Variants in FANCC observed in about 807,000 individuals in gnomAD.
FANCC encodes the protein FA complementation group C.
In FANCC, 55 loss-of-function variants were observed where a neutral mutation model predicts 71.3. The ratio of observed to expected loss-of-function variants is 0.77; its 90% CI spans 0.62 to 0.97. The LOEUF (loss-of-function observed/expected upper bound fraction) is 0.97, where lower values mean the gene tolerates loss of function less well. Among genes scored for constraint, FANCC ranks in the 50% least tolerant of loss-of-function variants. FANCC has a pLI of 0.00. For synonymous variants in FANCC, 275 were observed against 244.9 expected, an observed-to-expected ratio of 1.12 and a Z score of -1.15; for missense variants, 678 against 670.9, an observed-to-expected ratio of 1.01 and a Z score of -0.12.
chr9:95,120,416 CT>C (rs1011870014), intron 10 of FANCC, among the ~76,000 whole-genome samples: 4,705 of 138,278 alleles, frequency 0.034, 159 homozygotes, highest in African/African-American at 0.095. Flanking sequence ...CTTTTAAAAT[CT>C]TTTTTTTTTT....
At chr9:95,181,491 T>C (rs1826364546) in intron 4 of FANCC, among the ~76,000 whole-genome samples, 1 of 152,180 alleles carries the variant, frequency 6.6e-6, no homozygotes, top group African/African-American at 2.4e-5. Flanking sequence ...GATTAGGCAT[T>C]GGCTCTTGGA....
At chr9:95,315,368 C>A (rs2099485112) in intron 1 of FANCC, among the ~76,000 whole-genome samples, 2 of 152,294 alleles carry the variant, frequency 1.3e-5, no homozygotes, top group South Asian at 4.1e-4. Flanking sequence ...GGGACCACAG[C>A]CCCGCATCAC....
chr9:95,217,659 GTAAA>G (rs1220225193), intron 4 of FANCC, among the ~76,000 whole-genome samples: 1 of 145,092 alleles, frequency 6.9e-6, no homozygotes, highest in Admixed American at 7.3e-5. Context: ...GTCTCATGGT[GTAAA>G]TAAAGAAAGG....
intron 2 of FANCC, 92 bp downstream of exon 2, chr9:95,249,035 A>C: frequency 7.2e-7 from 1 of 1,385,492 alleles, no homozygotes; most frequent in Non-Finnish European, 1.0e-6. Flanking sequence ...CAATACCACA[A>C]GTCCCGATTC....
intron 4 of FANCC, among the ~76,000 whole-genome samples, chr9:95,212,679 A>C (rs886937602): frequency 6.6e-6 from 1 of 152,206 alleles, no homozygotes; most frequent in South Asian, 2.1e-4. Context: ...AAAAGGGAGA[A>C]TCTGTGGGTA....
At chr9:95,258,484 C>T (rs1215248575) in intron 1 of FANCC, among the ~76,000 whole-genome samples, 1 of 152,146 alleles carries the variant, frequency 6.6e-6, no homozygotes, top group Non-Finnish European at 1.5e-5. Context: ...CGATAAAATG[C>T]AACATCCCTT....
intron 7 of FANCC, among the ~76,000 whole-genome samples, chr9:95,145,831 C>A (rs1186668528): frequency 6.6e-6 from 1 of 152,118 alleles, no homozygotes; most frequent in Non-Finnish European, 1.5e-5. Context: ...GGCGGACATG[C>A]TTTACCACCG....
intron 6 of FANCC, among the ~76,000 whole-genome samples, chr9:95,155,271 A>AGGAGAGGGGAGGGGAGGG (rs1830397317): frequency 1.2e-4 from 3 of 24,696 alleles, no homozygotes; most frequent in Admixed American, 4.8e-4. Context: ...GGAGGGGAGG[A>AGGAGAGGGGAGGGGAGGG]AAGGGGAGGG....
intron 8 of FANCC, among the ~76,000 whole-genome samples, chr9:95,133,724 A>G (rs1303459499): frequency 6.6e-6 from 1 of 152,240 alleles, no homozygotes; most frequent in Non-Finnish European, 1.5e-5. Context: ...CCTGGAAGCA[A>G]GCATATAGCC....
chr9:95,241,235 C>G (rs973869540), intron 3 of FANCC, among the ~76,000 whole-genome samples: 5 of 152,070 alleles, frequency 3.3e-5, no homozygotes, highest in Non-Finnish European at 7.4e-5. Flanking sequence ...TTTTAATTTG[C>G]CAAAATAGCT....
chr9:95,101,945 A>C, intron 14 of FANCC, 95 bp from the exon 15 acceptor site: 21 of 1,409,754 alleles, frequency 1.5e-5, no homozygotes, highest in Non-Finnish European at 2.1e-5. Flanking sequence ...AGTCCCTGAA[A>C]GAAGCCCTAT....
rs138275094 is a variant in FANCC, at chr9:95,288,118, A to G, written c.-79+29408T>C. On this transcript the variant is annotated intron_variant, in intron 1 of 14. Coordinates refer to ENST00000289081, the MANE Select transcript of FANCC (RefSeq NM_000136.3). The stretch of plus-strand genomic sequence containing the variant: ...ACTTCTGACATTAAAATAAAATGCT[A>G]TAATTTAATTTTAATATTAATAAGT... Among the ~76,000 whole-genome samples, 991 of 152,338 alleles carry G rather than the reference A, an allele frequency of 6.5e-3. 7 individuals are homozygous for G. The highest frequency in any genetic ancestry group is 0.021 in the African/African-American group (866 of 41,586).
At chr9:95,284,804 T>A (rs1203863472) in intron 1 of FANCC, among the ~76,000 whole-genome samples, 1 of 152,010 alleles carries the variant, frequency 6.6e-6, no homozygotes, top group African/African-American at 2.4e-5. Context: ...CAGTTGTAAC[T>A]GTTAATAAAT....
At chr9:95,113,292 T>C (rs1393473757) in intron 12 of FANCC, among the ~76,000 whole-genome samples, 1 of 152,158 alleles carries the variant, frequency 6.6e-6, no homozygotes, top group Non-Finnish European at 1.5e-5. Context: ...CTGTGTCAAC[T>C]CGGTGTGAGA....
chr9:95,304,890 T>C (rs1300950241), intron 1 of FANCC, among the ~76,000 whole-genome samples: 1 of 152,094 alleles, frequency 6.6e-6, no homozygotes, highest in African/African-American at 2.4e-5. Context: ...ATATCAACTA[T>C]GTGCTTCCAC....
chr9:95,137,632 C>G (rs760171220), intron 7 of FANCC, among the ~76,000 whole-genome samples: 3 of 152,180 alleles, frequency 2.0e-5, no homozygotes, highest in African/African-American at 7.2e-5. Flanking sequence ...TTTGGAGTGT[C>G]TGAGGCACAA....
At chr9:95,221,298 A>C (rs1458334250) in intron 4 of FANCC, among the ~76,000 whole-genome samples, 3 of 152,204 alleles carry the variant, frequency 2.0e-5, no homozygotes, top group Non-Finnish European at 4.4e-5. Flanking sequence ...GAACAAATGG[A>C]AATCTAGACC....
At position 95,234,295 on chromosome 9, in the gene FANCC, T is replaced by C. The variant is rs536073455; in HGVS notation, c.345+6354A>G. Among the ~76,000 whole-genome samples, 4 of 152,346 alleles carry C rather than the reference T, an allele frequency of 2.6e-5. No homozygotes were observed. The South Asian group carries it at 8.3e-4, about 32-fold the overall frequency. On this transcript the variant is annotated intron_variant, in intron 4 of 14. Coordinates refer to ENST00000289081, the MANE Select transcript of FANCC (RefSeq NM_000136.3). ...TTCATTTATGCATATCATATATTCATTAATTTATTCAAAAATTTATGCCGT... is the reference window on the plus strand; with the variant it reads ...TTCATTTATGCATATCATATATTCACTAATTTATTCAAAAATTTATGCCGT...
At chr9:95,150,216 C>CT (rs1830100797) in intron 6 of FANCC, 129 bp from the exon 7 acceptor site, 5 of 835,900 alleles carry the variant, frequency 6.0e-6, no homozygotes, top group South Asian at 1.5e-5. Flanking sequence ...GAGAATGACT[C>CT]TAACACCATC....
Sources: allele counts gnomAD v4.1 joint callset (sites outside exome capture counted in the v4.1 genomes callset), GRCh38; gene constraint gnomAD v4.1.1; transcripts MANE v1.5; gene names NCBI Gene and HGNC (gene_info 2026-07-23, HGNC 2026-07-21).